Variants in PDE10A observed in about 807,000 individuals in gnomAD.
PDE10A encodes cAMP and cAMP-inhibited cGMP 3',5'-cyclic phosphodiesterase 10A.
In PDE10A, 39 loss-of-function variants were observed where a neutral mutation model predicts 97.7. That is an observed-to-expected ratio of 0.40 (90% CI 0.31 to 0.52). The LOEUF is 0.52. Among genes scored for constraint, PDE10A ranks in the 20% least tolerant of loss-of-function variants. The pLI, the probability that PDE10A is intolerant of heterozygous loss-of-function variation, is 0.56. For synonymous variants in PDE10A, 371 were observed against 376.8 expected (o/e 0.98, Z 0.18); for missense variants, 731 against 1,047.8 (o/e 0.70, Z 4.17).
intron 1 of PDE10A, among the ~76,000 whole-genome samples, chr6:165,626,199 A>G (rs907856415): frequency 3.9e-5 from 6 of 152,204 alleles, no homozygotes; most frequent in African/African-American, 1.4e-4. Flanking sequence ...CGCATAAGAA[A>G]GTCTCTTAGA....
chr6:165,512,276 G>A (rs1369870793), intron 2 of PDE10A, among the ~76,000 whole-genome samples: 3 of 151,812 alleles, frequency 2.0e-5, no homozygotes, highest in Non-Finnish European at 4.4e-5. Flanking sequence ...AACATTTCTT[G>A]TAGGACTGGC....
chr6:165,618,935 TAGTGTAGTCTAGTGTAGTGC>T (rs1182700066), intron 1 of PDE10A, among the ~76,000 whole-genome samples: 1 of 147,302 alleles, frequency 6.8e-6, no homozygotes, highest in East Asian at 1.9e-4. Flanking sequence ...GCGTGTAGTC[TAGTGTAGTCTAGTGTAGTGC>T]AGTGTAGACT....
chr6:165,719,074 A>C (rs1402806330), intron 1 of PDE10A, among the ~76,000 whole-genome samples: 1 of 152,192 alleles, frequency 6.6e-6, no homozygotes, highest in Non-Finnish European at 1.5e-5. Flanking sequence ...TTGGAAGTAT[A>C]AAATTGAAGA....
chr6:165,895,614 C>T (rs905046259), intron 1 of PDE10A, among the ~76,000 whole-genome samples: 2 of 152,190 alleles, frequency 1.3e-5, no homozygotes, highest in African/African-American at 4.8e-5. Context: ...AAGACAAAGG[C>T]CTTCCTTATC....
rs565917000 is a variant in PDE10A at position 165,426,846 on chromosome 6, C to T, written c.1653+1812G>A. Among the ~76,000 whole-genome samples, 9 of 152,238 alleles carry T rather than the reference C, an allele frequency of 5.9e-5. No homozygotes were observed. The East Asian group carries it at 1.7e-3, about 29-fold the overall frequency. ...TAGACATCTCCCCTAAGACAATATA[C>T]ATGCAGCCAATAAGCACATGAAAAG... On this transcript the variant is annotated intron_variant, in intron 10 of 21. Coordinates refer to ENST00000539869, the MANE Select transcript of PDE10A (RefSeq NM_001385079.1).
At chr6:165,529,765 C>T (rs144644909) in intron 2 of PDE10A, among the ~76,000 whole-genome samples, 94 of 152,126 alleles carry the variant, frequency 6.2e-4, no homozygotes, top group African/African-American at 2.1e-3. Flanking sequence ...TCCTGTTGTA[C>T]GAAGGATAGC....
At chr6:165,699,589 C>G (rs4476804) in intron 1 of PDE10A, among the ~76,000 whole-genome samples, 88,828 of 151,856 alleles carry the variant, frequency 0.58, 26,203 homozygotes, top group South Asian at 0.72. Flanking sequence ...ATATGCTAGG[C>G]CATAAAAATA....
At chr6:165,645,556 G>GA (rs1248901930) in intron 1 of PDE10A, among the ~76,000 whole-genome samples, 2 of 152,022 alleles carry the variant, frequency 1.3e-5, no homozygotes, top group Non-Finnish European at 2.9e-5. Context: ...GAGATCTCCT[G>GA]AAAAGTTTAC....
At chr6:165,913,309 C>G (rs1366247161) in intron 1 of PDE10A, among the ~76,000 whole-genome samples, 1 of 143,904 alleles carries the variant, frequency 6.9e-6, no homozygotes, top group Non-Finnish European at 1.6e-5. Flanking sequence ...CACACACACA[C>G]AGAGTCATCC....
At chr6:165,847,557 T>C (rs1434300914) in intron 1 of PDE10A, among the ~76,000 whole-genome samples, 1 of 152,164 alleles carries the variant, frequency 6.6e-6, no homozygotes, top group Non-Finnish European at 1.5e-5. Flanking sequence ...ACCTGGTGAG[T>C]CGGCCACGGG....
At chr6:165,881,392 C>CTTTTTTTTTTTT (rs68159417) in intron 1 of PDE10A, among the ~76,000 whole-genome samples, 74 of 107,004 alleles carry the variant, frequency 6.9e-4, no homozygotes, top group Non-Finnish European at 8.7e-4. Context: ...TTTTTCTTTT[C>CTTTTTTTTTTTT]TTTTTTTTTT....
At chr6:165,385,363 G>T (rs944239702) in intron 17 of PDE10A, among the ~76,000 whole-genome samples, 1 of 152,018 alleles carries the variant, frequency 6.6e-6, no homozygotes, top group Non-Finnish European at 1.5e-5. Flanking sequence ...TCAACTGCTT[G>T]GGCAGAAGTC....
chr6:165,892,243 C>G (rs767026221), intron 1 of PDE10A, among the ~76,000 whole-genome samples: 1 of 152,126 alleles, frequency 6.6e-6, no homozygotes, highest in Admixed American at 6.5e-5. Flanking sequence ...CTTCCTGGAC[C>G]ATGAGGTGAG....
At chr6:165,524,168 C>G (rs567524) in intron 2 of PDE10A, among the ~76,000 whole-genome samples, 104,393 of 151,978 alleles carry the variant, frequency 0.69, 37,154 homozygotes, top group Middle Eastern at 0.79. Context: ...ACCTTGTGAT[C>G]GTGTGAATTA....
intron 1 of PDE10A, among the ~76,000 whole-genome samples, chr6:165,961,138 C>A (rs1417444146): frequency 6.6e-6 from 1 of 152,030 alleles, no homozygotes; most frequent in Non-Finnish European, 1.5e-5. Context: ...GTGCAGGGGA[C>A]CTTGCTGTGG....
At chr6:165,665,311 G>A (rs552023778), upstream of PDE10A, among the ~76,000 whole-genome samples, 2 of 152,332 alleles carry the variant, frequency 1.3e-5, no homozygotes, top group South Asian at 2.1e-4. Flanking sequence ...GACATACAGG[G>A]TCTGTCACTC....
intron 16 of PDE10A, among the ~76,000 whole-genome samples, chr6:165,389,006 A>C (rs1785493164): frequency 6.6e-6 from 1 of 152,210 alleles, no homozygotes; most frequent in African/African-American, 2.4e-5. Context: ...TGAAAAGGCC[A>C]GGTGTGAGCA....
intron 1 of PDE10A, among the ~76,000 whole-genome samples, chr6:165,922,154 C>T (rs776285997): frequency 3.9e-5 from 6 of 152,136 alleles, no homozygotes; most frequent in Non-Finnish European, 7.4e-5. Context: ...GGCAGTGCAA[C>T]AGAAAGCATG....
intron 1 of PDE10A, among the ~76,000 whole-genome samples, chr6:165,646,454 C>T (rs1289581779): frequency 6.6e-6 from 1 of 152,186 alleles, no homozygotes; most frequent in African/African-American, 2.4e-5. Flanking sequence ...TGTTGAACAT[C>T]CATTTTACAG....
Sources: gnomAD v4.1 joint callset for allele counts (sites outside exome capture counted in the v4.1 genomes callset) on GRCh38, gnomAD v4.1.1 for gene constraint, MANE v1.5 for transcripts, NCBI Gene and HGNC (gene_info 2026-07-23, HGNC 2026-07-21) for gene names.